SMG6: variants seen among roughly 807,000 people sequenced by gnomAD.
SMG6 encodes telomerase-binding protein EST1A.
Under a neutral mutation model 142.2 loss-of-function variants are expected in SMG6, and 66 were observed. The ratio of observed to expected loss-of-function variants is 0.46; its 90% CI spans 0.38 to 0.57. The LOEUF is 0.57. Among genes scored for constraint, SMG6 ranks in the 20% least tolerant of loss-of-function variants. SMG6 has a pLI of 0.00. For synonymous variants in SMG6, 779 were observed against 702.4 expected, an observed-to-expected ratio of 1.11 and a Z score of -1.72; for missense variants, 1,793 against 1,832.0, an observed-to-expected ratio of 0.98 and a Z score of 0.39.
At chr17:2,117,439 A>G (rs2069542972) in intron 13 of SMG6, among the ~76,000 whole-genome samples, 1 of 152,250 alleles carries the variant, frequency 6.6e-6, no homozygotes, top group African/African-American at 2.4e-5. Flanking sequence ...ATTAAATTCT[A>G]ATAAAAATGT....
chr17:2,115,649 T>G (rs896251926), intron 13 of SMG6, among the ~76,000 whole-genome samples: 1 of 152,276 alleles, frequency 6.6e-6, no homozygotes, highest in Non-Finnish European at 1.5e-5. Context: ...TAAAATAATA[T>G]AGTTTCAAGA....
At chr17:2,158,900 TA>T (rs58337632) in intron 13 of SMG6, among the ~76,000 whole-genome samples, 428 of 127,250 alleles carry the variant, frequency 3.4e-3, no homozygotes, top group African/African-American at 3.8e-3. Flanking sequence ...AGACTATGTT[TA>T]AAAAAAAAAA....
chr17:2,090,294 C>A (rs191786493), intron 13 of SMG6, among the ~76,000 whole-genome samples: 1 of 107,344 alleles, frequency 9.3e-6, no homozygotes, highest in Non-Finnish European at 1.9e-5. Context: ...AGATGCCCGG[C>A]GGGGGAGGGG....
chr17:2,303,272 A>T, intron 1 of SMG6: 1 of 1,060,528 alleles, frequency 9.4e-7, no homozygotes, highest in Non-Finnish European at 1.1e-6. Context: ...CGGCCTGGAG[A>T]GCGATACGCC....
chr17:2,242,379 A>AAAGAATAAGAAAG (rs2073826090), intron 9 of SMG6, among the ~76,000 whole-genome samples: 2 of 115,816 alleles, frequency 1.7e-5, no homozygotes, highest in African/African-American at 5.7e-5. Flanking sequence ...AAAAAAAAAA[A>AAAGAATAAGAAAG]ATTAGTCGGG....
At chr17:2,084,409 G>A (rs1469344970) in intron 14 of SMG6, among the ~76,000 whole-genome samples, 1 of 152,156 alleles carries the variant, frequency 6.6e-6, no homozygotes, top group East Asian at 1.9e-4. Context: ...TGGAATCCTA[G>A]GCTCAGCTTT....
At chr17:2,072,244 G>A (rs765018821) in intron 15 of SMG6, among the ~76,000 whole-genome samples, 20 of 152,188 alleles carry the variant, frequency 1.3e-4, no homozygotes, top group Non-Finnish European at 2.5e-4. Flanking sequence ...ATGGAGTCAA[G>A]CGTGCTGACC....
intron 15 of SMG6, among the ~76,000 whole-genome samples, chr17:2,073,567 G>T (rs2068170562): frequency 6.6e-6 from 1 of 151,720 alleles, no homozygotes; most frequent in South Asian, 2.1e-4. Context: ...AAATTAGCTG[G>T]ACGTGGTGGC....
At chr17:2,190,216 T>A (rs2072117011) in intron 10 of SMG6, among the ~76,000 whole-genome samples, 1 of 152,012 alleles carries the variant, frequency 6.6e-6, no homozygotes, top group Non-Finnish European at 1.5e-5. Flanking sequence ...TGCCTCTAAC[T>A]AGCAACAGAG....
chr17:2,075,566 T>G (rs1597343321), intron 15 of SMG6, among the ~76,000 whole-genome samples: 1 of 152,244 alleles, frequency 6.6e-6, no homozygotes, highest in East Asian at 1.9e-4. Flanking sequence ...CAGCATGAGG[T>G]GCCAAGAGGC....
At chr17:2,251,694 G>A (rs1429137957) in intron 8 of SMG6, among the ~76,000 whole-genome samples, 1 of 152,206 alleles carries the variant, frequency 6.6e-6, no homozygotes, top group East Asian at 1.9e-4. Context: ...AGCAGACTGA[G>A]GGAAATTGAG....
intron 15 of SMG6, among the ~76,000 whole-genome samples, chr17:2,080,931 G>A (rs1417574052): frequency 6.6e-6 from 1 of 152,180 alleles, no homozygotes; most frequent in Non-Finnish European, 1.5e-5. Context: ...CACCGCGCCC[G>A]GCCAGCACTT....
intron 8 of SMG6, among the ~76,000 whole-genome samples, chr17:2,281,984 C>T (rs1165832427): frequency 6.6e-6 from 1 of 152,192 alleles, no homozygotes; most frequent in Non-Finnish European, 1.5e-5. Context: ...TGGCTATGTG[C>T]TCTCATATAC....
chr17:2,105,294 C>A (rs1247976617), intron 13 of SMG6, among the ~76,000 whole-genome samples: 1 of 151,814 alleles, frequency 6.6e-6, no homozygotes, highest in Non-Finnish European at 1.5e-5. Flanking sequence ...ACCTGTAATC[C>A]CAGCACTTTG....
chr17:2,183,200 T>C (rs570011682), intron 12 of SMG6, among the ~76,000 whole-genome samples: 3 of 147,484 alleles, frequency 2.0e-5, no homozygotes, highest in South Asian at 4.2e-4. Flanking sequence ...CCGTCCACCC[T>C]GGGTAACAGA....
chr17:2,126,785 C>G lies in SMG6; in HGVS notation c.3358-40884G>C, dbSNP rs904433277. ...CACTTTTGTGCATCAAAGGTGGAAA[C>G]TCACACCAGTAATCTCAGCACTTTG... On this transcript the variant is annotated intron_variant, in intron 13 of 18. Coordinates refer to ENST00000263073, the MANE Select transcript of SMG6 (RefSeq NM_017575.5). Among the ~76,000 whole-genome samples the G allele has an allele frequency of 1.9e-4, 29 of 149,702 alleles. 1 individual carries two copies. Among genetic ancestry groups the G allele is most frequent in the Admixed American group, 1.7e-3 (26 of 14,968 alleles).
intron 10 of SMG6, chr17:2,199,645 C>G (rs1048171752): frequency 3.3e-5 from 5 of 151,802 alleles, no homozygotes; most frequent in Non-Finnish European, 7.4e-5. Context: ...GTGGCTCACA[C>G]CTGTAATCCC....
intron 8 of SMG6, among the ~76,000 whole-genome samples, chr17:2,264,646 A>C (rs758187279): frequency 9.2e-5 from 14 of 152,182 alleles, no homozygotes; most frequent in Non-Finnish European, 1.8e-4. Flanking sequence ...TCATAGCTAT[A>C]ATCTCAGCAC....
At chr17:2,300,945 T>C (rs1440241048) in intron 1 of SMG6, among the ~76,000 whole-genome samples, 2 of 152,212 alleles carry the variant, frequency 1.3e-5, no homozygotes, top group East Asian at 3.8e-4. Context: ...TCCTTATGTG[T>C]CATCCAAGTC....
Sources: allele counts gnomAD v4.1 joint callset (sites outside exome capture counted in the v4.1 genomes callset), GRCh38; gene constraint gnomAD v4.1.1; transcripts MANE v1.5; gene names NCBI Gene and HGNC (gene_info 2026-07-23, HGNC 2026-07-21).